The following FRYL variants were observed in gnomAD, a reference collection of about 807,000 sequenced individuals.
FRYL encodes the protein FRY like transcription coactivator.
A neutral mutation model predicts 351.2 loss-of-function variants in FRYL; 150 were observed. The ratio of observed to expected loss-of-function variants is 0.43; its 90% CI spans 0.37 to 0.49. The LOEUF (loss-of-function observed/expected upper bound fraction) is 0.49, where lower values mean the gene tolerates loss of function less well. FRYL is among the 20% of genes least tolerant of loss of function. FRYL has a pLI of 0.00. For missense variants in FRYL, 3,036 were observed against 3,619.3 expected (o/e 0.84, Z 4.13); for synonymous variants, 1,153 against 1,257.1 (o/e 0.92, Z 1.75).
chr4:48,706,168 T>TTGA (rs1767320219), intron 2 of FRYL, among the ~76,000 whole-genome samples: 1 of 152,186 alleles, frequency 6.6e-6, no homozygotes, highest in Non-Finnish European at 1.5e-5. Flanking sequence ...ATTGAAAGAC[T>TTGA]TGATTCTAGG....
intron 27 of FRYL, among the ~76,000 whole-genome samples, chr4:48,569,582 G>A (rs774793357): frequency 6.6e-6 from 1 of 152,210 alleles, no homozygotes; most frequent in Non-Finnish European, 1.5e-5. Flanking sequence ...ACAGGTGTGA[G>A]CCACTGCATC....
At position 48,646,189 on chromosome 4, in the gene FRYL, GACTA is replaced by G. The variant is rs559147364; in HGVS notation, c.-80-11703_-80-11700del. Among the ~76,000 whole-genome samples the G allele has an allele frequency of 7.6e-4, 116 of 152,120 alleles. 1 individual carries two copies. Among genetic ancestry groups the G allele is most frequent in the Middle Eastern group, 6.8e-3 (2 of 294 alleles). On this transcript the variant is annotated intron_variant, in intron 3 of 63. Coordinates refer to ENST00000358350, the MANE Select transcript of FRYL (RefSeq NM_015030.2). The stretch of plus-strand genomic sequence containing the variant: ...ATTCCTCATTTTTTATGAATGCCTT[GACTA>G]ACTACTTTCTGTATCATATATCAAT...
intron 8 of FRYL, 48 bp downstream of exon 8, chr4:48,609,696 C>A: frequency 1.1e-6 from 1 of 874,348 alleles, no homozygotes; most frequent in East Asian, 2.6e-5. Context: ...ATAGTCTAGA[C>A]CTGGATTGCA....
intron 36 of FRYL, among the ~76,000 whole-genome samples, chr4:48,552,244 G>GGGGTGT (rs1171010678): frequency 2.1e-5 from 3 of 145,350 alleles, no homozygotes; most frequent in Admixed American, 6.9e-5. Context: ...AGTCCAAAGG[G>GGGGTGT]GTGTGTGTGT....
In FRYL at chr4:48,540,364, G is replaced by A. The variant is rs1284451827; in HGVS notation, c.6284C>T (p.Ser2095Phe). 8.7e-6 allele frequency: 14 copies of A among 1,612,156 alleles called. No homozygotes were observed. Among genetic ancestry groups the A allele is most frequent in the Non-Finnish European group, 1.2e-5 (14 of 1,178,558 alleles). Residue 2095 changes from serine (S) to phenylalanine (F), a missense_variant, in exon 46 of 64, where the codon TCC becomes TTC. Coordinates refer to ENST00000358350, the MANE Select transcript of FRYL (RefSeq NM_015030.2). ...SVSKHTLVDPSQLSGFPLNIL... is the reference protein window; with the variant it reads ...SVSKHTLVDPFQLSGFPLNIL... ...TATATTAACATCACCTGACAATTGG[G>A]AAGGATCCACCAATGTATGTTTGGA...
At chr4:48,753,867 A>G (rs1773500912) in intron 1 of FRYL, among the ~76,000 whole-genome samples, 1 of 152,136 alleles carries the variant, frequency 6.6e-6, no homozygotes, top group South Asian at 2.1e-4. Context: ...ATGTCTCAGT[A>G]TCGTTTGTTG....
intron 9 of FRYL, among the ~76,000 whole-genome samples, chr4:48,608,436 C>T (rs551204978): frequency 6.6e-6 from 1 of 152,072 alleles, no homozygotes; most frequent in South Asian, 2.1e-4. Flanking sequence ...CCACAAGTTG[C>T]TAATAACAAA....
chr4:48,671,217 T>G (rs1478962030), intron 3 of FRYL, among the ~76,000 whole-genome samples: 1 of 152,154 alleles, frequency 6.6e-6, no homozygotes, highest in Admixed American at 6.5e-5. Flanking sequence ...TTAAGCACCT[T>G]AAAAAGATAC....
intron 36 of FRYL, among the ~76,000 whole-genome samples, chr4:48,552,156 C>A (rs575981138): frequency 1.3e-5 from 2 of 152,142 alleles, no homozygotes; most frequent in South Asian, 2.1e-4. Context: ...AGACTGCACC[C>A]CCCCCAACAT....
chr4:48,565,777 G>A, intron 28 of FRYL, 86 bp from the exon 29 acceptor site: 1 of 1,302,672 alleles, frequency 7.7e-7, no homozygotes, highest in East Asian at 2.5e-5. Flanking sequence ...ATGTGTAATA[G>A]TGTAAAAAAG....
rs1743065344 is a variant in FRYL, at chr4:48,590,771, A to G, written c.1395T>C (p.Asp465=). ...LVIADSLQQK[D]GEPPMPTTGV... ...CTGTTGTTGGCATGGGTGGTTCACC[A>G]TCTTTCTGCTGCAAACTGTCTGCTA... Residue 465 remains aspartate, a synonymous_variant, in exon 17 of 64, where the codon GAT becomes GAC. Coordinates refer to ENST00000358350, the MANE Select transcript of FRYL (RefSeq NM_015030.2). 2.5e-6 allele frequency: 4 copies of G among 1,613,782 alleles called. No individual in the cohort carries two copies. The highest frequency in any genetic ancestry group is 3.4e-6 in the Non-Finnish European group (4 of 1,179,896).
rs900079453 is a variant in FRYL, at chr4:48,549,037, C to A, written c.4785-244G>T. On this transcript the variant is annotated intron_variant, in intron 39 of 63. Transcript: ENST00000358350. This position sits in a 1 kb window ranked among gnomAD's most constrained non-coding sequence, Gnocchi z 4.2. ...GAGCCACATTTTCTTCATCTTTCAA[C>A]CTTGAGACTTAGCACACTGCTTGCC... 6.6e-6 allele frequency among the ~76,000 whole-genome samples: 1 copy of A among 152,136 alleles called. No individual in the cohort carries two copies. Among genetic ancestry groups the A allele is most frequent in the African/African-American group, 2.4e-5 (1 of 41,432 alleles).
rs1470141311 is a variant in FRYL at position 48,587,902 on chromosome 4, C to T, written c.1641-1174G>A. Among the ~76,000 whole-genome samples the T allele has an allele frequency of 4.6e-5, 7 of 152,090 alleles. No homozygotes were observed. The East Asian group carries it at 1.2e-3, about 25-fold the overall frequency. The stretch of plus-strand genomic sequence containing the variant: ...TACCTAGAGATTTCATATAGTCAGT[C>T]CTCTTTTTACATGGTTTCAAAATGC... On this transcript the variant is annotated intron_variant, in intron 18 of 63. Coordinates refer to ENST00000358350, the MANE Select transcript of FRYL (RefSeq NM_015030.2).
intron 18 of FRYL, among the ~76,000 whole-genome samples, chr4:48,589,243 A>T (rs1463405967): frequency 2.6e-5 from 4 of 152,172 alleles, no homozygotes; most frequent in African/African-American, 9.7e-5. Flanking sequence ...AGATGCAGAG[A>T]TGACAAATAA....
chr4:48,498,567 T>G lies in FRYL; in HGVS notation c.*855A>C, dbSNP rs1718882322. The G allele has an allele frequency of 6.6e-6, 1 of 152,642 alleles. No homozygotes were observed. The highest frequency in any genetic ancestry group is 2.1e-4 in the South Asian group (1 of 4,834). 9.5% of individuals were successfully genotyped at this position (152,642 alleles called of 1,614,324 possible). ...TGGTTAGTTATCAACAATCATAACATAAGCACTGATCAGAGAACTGAGCAG... is the reference window on the plus strand; with the variant it reads ...TGGTTAGTTATCAACAATCATAACAGAAGCACTGATCAGAGAACTGAGCAG... On this transcript the variant is annotated 3_prime_UTR_variant, in exon 64 of 64. Transcript: ENST00000358350.
chr4:48,615,844 G>A (rs1749316658), intron 7 of FRYL, among the ~76,000 whole-genome samples: 1 of 152,064 alleles, frequency 6.6e-6, no homozygotes, highest in African/African-American at 2.4e-5. Context: ...ACTGGAGAAA[G>A]AAAATGTGGC....
chr4:48,653,613 CT>C, intron 3 of FRYL: 1 of 722,792 alleles, frequency 1.4e-6, no homozygotes. Context: ...TTTTCAACAG[CT>C]TTTTATCTAT....
chr4:48,648,984 T>C (rs1369400452), intron 3 of FRYL, among the ~76,000 whole-genome samples: 1 of 152,148 alleles, frequency 6.6e-6, no homozygotes, highest in African/African-American at 2.4e-5. Flanking sequence ...CACAATAAAG[T>C]TGCTACTTTG....
intron 4 of FRYL, among the ~76,000 whole-genome samples, chr4:48,625,994 T>C (rs1416032532): frequency 6.6e-6 from 1 of 152,170 alleles, no homozygotes; most frequent in Non-Finnish European, 1.5e-5. Context: ...CTGAGTTTTC[T>C]ACAAAGAACA....
Sources: gnomAD v4.1 joint callset for allele counts (sites outside exome capture counted in the v4.1 genomes callset) on GRCh38, gnomAD v4.1.1 for gene constraint, Gnocchi (gnomAD v3.1) non-coding constraint, MANE v1.5 for transcripts, NCBI Gene and HGNC (gene_info 2026-07-23, HGNC 2026-07-21) for gene names.